The following STK17A variants were observed in gnomAD, a reference collection of about 807,000 sequenced individuals.
STK17A encodes serine/threonine-protein kinase 17A.
STK17A carries 26 observed loss-of-function variants against 43.7 expected under a neutral mutation model. The ratio of observed to expected loss-of-function variants is 0.60; its 90% CI spans 0.44 to 0.83. The LOEUF is 0.83. Ranked by LOEUF, STK17A falls within the 40% of genes least tolerant of loss-of-function variation. STK17A has a pLI of 0.00. For synonymous variants in STK17A, 191 were observed against 182.5 expected, an observed-to-expected ratio of 1.05 and a Z score of -0.38; for missense variants, 476 against 511.6, an observed-to-expected ratio of 0.93 and a Z score of 0.67.
intron 2 of STK17A, among the ~76,000 whole-genome samples, chr7:43,600,928 T>C (rs2082550703): frequency 6.6e-6 from 1 of 152,190 alleles, no homozygotes; most frequent in Admixed American, 6.5e-5. Context: ...TAGGCAGTTT[T>C]GCAAAGATAT....
In STK17A at chr7:43,596,049, C is replaced by T. The variant is rs762818321; in HGVS notation, c.355C>T (p.Pro119Ser). ...TGTACTTGAACTAGCACAAGACAAT[C>T]CTTGGGTCATTAATTTACATGAAGT... ...IAVLELAQDN[P>S]WVINLHEVYE... Residue 119 changes from proline to serine, a missense_variant, in exon 2 of 7, where the codon CCT (proline) becomes TCT (serine). By Grantham distance (74) the Pro-to-Ser change is moderately conservative. This residue lies in a region of STK17A where 320 missense variants were observed against 326.3 expected (regional missense o/e 0.98). Coordinates refer to ENST00000319357, the MANE Select transcript of STK17A (RefSeq NM_004760.3). The T allele has an allele frequency of 6.2e-7, 1 of 1,613,638 alleles. No homozygotes were observed. Among genetic ancestry groups the T allele is most frequent in the Non-Finnish European group, 8.5e-7 (1 of 1,179,856 alleles).
At chr7:43,605,549 G>C (rs1423639854) in intron 2 of STK17A, among the ~76,000 whole-genome samples, 2 of 152,062 alleles carry the variant, frequency 1.3e-5, no homozygotes, top group Admixed American at 6.6e-5. Context: ...CTATTGAGCA[G>C]ATCTCTTTGT....
At chr7:43,621,442 T>C (rs553400999) in intron 4 of STK17A, among the ~76,000 whole-genome samples, 3 of 152,328 alleles carry the variant, frequency 2.0e-5, no homozygotes, top group South Asian at 2.1e-4. Flanking sequence ...ATAGTAATTA[T>C]TGCCCTGAAT....
intron 1 of STK17A, among the ~76,000 whole-genome samples, chr7:43,584,004 T>A (rs768892458): frequency 1.3e-5 from 2 of 152,204 alleles, no homozygotes; most frequent in Non-Finnish European, 2.9e-5. Context: ...CTAAAGCATT[T>A]AGGTCCCTTT....
At chr7:43,622,766 T>C (rs550029631) in intron 4 of STK17A, 7 of 152,172 alleles carry the variant, frequency 4.6e-5, no homozygotes, top group African/African-American at 1.7e-4. Flanking sequence ...ACTGGCACTA[T>C]CTCGGCTTAC....
chr7:43,614,303 T>A (rs922979813), intron 3 of STK17A, among the ~76,000 whole-genome samples: 1 of 152,226 alleles, frequency 6.6e-6, no homozygotes, highest in East Asian at 1.9e-4. Flanking sequence ...TCCACTGTTA[T>A]CACCTCTCTA....
At chr7:43,584,136 A>G (rs1465087125) in intron 1 of STK17A, among the ~76,000 whole-genome samples, 2 of 150,668 alleles carry the variant, frequency 1.3e-5, no homozygotes, top group South Asian at 4.2e-4. Flanking sequence ...TTTTTGTGGG[A>G]GTAGAGAGAG....
At chr7:43,584,489 C>G (rs2082425478) in intron 1 of STK17A, among the ~76,000 whole-genome samples, 1 of 152,142 alleles carries the variant, frequency 6.6e-6, no homozygotes, top group Non-Finnish European at 1.5e-5. Context: ...AGTAAATGTT[C>G]GCATTATTGC....
At chr7:43,621,643 T>G (rs957874921) in intron 4 of STK17A, among the ~76,000 whole-genome samples, 8 of 152,144 alleles carry the variant, frequency 5.3e-5, no homozygotes, top group Non-Finnish European at 1.0e-4. Context: ...AGTTTTTTGT[T>G]TGTTTTTTTG....
intron 2 of STK17A, among the ~76,000 whole-genome samples, chr7:43,604,257 G>A (rs2082574613): frequency 6.6e-6 from 1 of 152,164 alleles, no homozygotes; most frequent in African/African-American, 2.4e-5. Flanking sequence ...AGCAGAGCCA[G>A]AATTTAGTCC....
At chr7:43,606,679 T>G (rs2082592787) in intron 2 of STK17A, among the ~76,000 whole-genome samples, 1 of 152,086 alleles carries the variant, frequency 6.6e-6, no homozygotes, top group Admixed American at 6.5e-5. Context: ...GTAAATTAGT[T>G]AATATTATAT....
In STK17A at chr7:43,608,390, T is replaced by C. The variant is rs1368362464; in HGVS notation, c.554T>C (p.Leu185Pro). The C allele has an allele frequency of 6.2e-7, 1 of 1,602,094 alleles. No homozygotes were observed. Among genetic ancestry groups the C allele is most frequent in the East Asian group, 2.2e-5 (1 of 44,762 alleles). Reference sequence around the variant, plus strand: ...TTACACACTCGTGATGTAGTTCATCTTGATTTGAAGGTAAGATTCAAATTA... The same window carrying C: ...TTACACACTCGTGATGTAGTTCATCCTGATTTGAAGGTAAGATTCAAATTA... The part of the protein sequence containing the change: ...HFLHTRDVVH[L>P]DLKPQNILLT... The change falls in exon 3 of 7, where the codon CTT becomes CCT. Residue 185 changes from leucine (L) to proline (P), a missense_variant. Coordinates refer to ENST00000319357, the MANE Select transcript of STK17A (RefSeq NM_004760.3).
intron 2 of STK17A, among the ~76,000 whole-genome samples, chr7:43,598,888 C>G (rs1294035044): frequency 1.3e-5 from 2 of 151,772 alleles, no homozygotes; most frequent in East Asian, 3.9e-4. Flanking sequence ...TCAGCCTCCT[C>G]AGTAGCTGGG....
Position 43,625,202 on chromosome 7 carries a change from G to A in STK17A, c.*360G>A. On this transcript the variant is annotated 3_prime_UTR_variant, in exon 7 of 7. Coordinates refer to ENST00000319357, the MANE Select transcript of STK17A (RefSeq NM_004760.3). ...AAAACTACACTTCTGTAAATCTCTT[G>A]CATTATTCATATGTGTATCTATATC... The A allele has an allele frequency of 5.4e-6, 1 of 183,768 alleles. No individual in the cohort carries two copies. The highest frequency in any genetic ancestry group is 1.1e-5 in the Non-Finnish European group (1 of 87,602). 11.4% of individuals were successfully genotyped at this position (183,768 alleles called of 1,614,324 possible).
At chr7:43,593,517 C>A (rs549762701) in intron 1 of STK17A, among the ~76,000 whole-genome samples, 3 of 152,244 alleles carry the variant, frequency 2.0e-5, no homozygotes, top group African/African-American at 7.2e-5. Flanking sequence ...ATAAGCGTTC[C>A]CTTTTCTTTG....
In STK17A at chr7:43,596,047, A is replaced by G. The variant is rs1254241079; in HGVS notation, c.353A>G (p.Asn118Ser). Residue 118 changes from asparagine (N) to serine (S), a missense_variant, in exon 2 of 7, where the codon AAT becomes AGT. By Grantham distance (46) the Asn-to-Ser change is conservative. Coordinates refer to ENST00000319357, the MANE Select transcript of STK17A (RefSeq NM_004760.3). ...EIAVLELAQD[N>S]PWVINLHEVY... Reference sequence around the variant, plus strand: ...GCTGTACTTGAACTAGCACAAGACAATCCTTGGGTCATTAATTTACATGAA... The same window carrying G: ...GCTGTACTTGAACTAGCACAAGACAGTCCTTGGGTCATTAATTTACATGAA... 1.9e-6 allele frequency: 3 copies of G among 1,613,760 alleles called. No individual in the cohort carries two copies.
intron 1 of STK17A, among the ~76,000 whole-genome samples, chr7:43,590,217 A>G (rs2082471340): frequency 6.6e-6 from 1 of 151,348 alleles, no homozygotes; most frequent in Non-Finnish European, 1.5e-5. Flanking sequence ...AAGTGCTGGT[A>G]TTACAGGCAT....
Position 43,583,329 on chromosome 7 carries a change from G to T in STK17A, c.86G>T (p.Gly29Val). 1 of 1,444,096 alleles carries T rather than the reference G, an allele frequency of 6.9e-7. No homozygotes were observed. The highest frequency in any genetic ancestry group is 9.1e-7 in the Non-Finnish European group (1 of 1,097,488). The allele number at this position is 1,444,096 out of a possible 1,614,324, so 89.5% of individuals were successfully genotyped here. Residue 29 changes from glycine to valine, a missense_variant, in exon 1 of 7, where the codon GGG becomes GTG. Around this residue, in one of 3 missense-constraint regions of STK17A, gnomAD observed 320 missense variants for 326.3 expected, o/e 0.98. Coordinates refer to ENST00000319357, the MANE Select transcript of STK17A (RefSeq NM_004760.3). The part of the protein sequence containing the change: ...GSGRAGRGLS[G>V]PCRPPPPPQA... ...GGCCGGGCAGGCCGGGGTCTGAGCG[G>T]GCCGTGCCGGCCGCCGCCGCCGCCC... is the stretch of plus-strand genomic sequence containing the variant.
At position 43,591,693 on chromosome 7, in the gene STK17A, A is replaced by G. The variant is rs2082481045; in HGVS notation, c.207-4208A>G. On this transcript the variant is annotated intron_variant, in intron 1 of 6. Transcript: ENST00000319357. ...CAACAGATGAATAAGTATGGGGAAG[A>G]GGCCCCAGAATTTAGCAATGGCTGT... 3.3e-5 allele frequency among the ~76,000 whole-genome samples: 5 copies of G among 151,486 alleles called. No homozygotes were observed. In the South Asian group the frequency reaches 1.0e-3, roughly 31 times the overall value.
Sources: allele counts gnomAD v4.1 joint callset (sites outside exome capture counted in the v4.1 genomes callset), GRCh38; gene constraint gnomAD v4.1.1; regional missense constraint gnomAD v4.1.1; transcripts MANE v1.5; gene names NCBI Gene and HGNC (gene_info 2026-07-23, HGNC 2026-07-21).